MAN1A1: variants seen among roughly 807,000 people sequenced by gnomAD.
MAN1A1 encodes the protein mannosyl-oligosaccharide 1,2-alpha-mannosidase IA.
A neutral mutation model predicts 70.8 loss-of-function variants in MAN1A1; 29 were observed. That is an observed-to-expected ratio of 0.41 (90% CI 0.31 to 0.56). The LOEUF (loss-of-function observed/expected upper bound fraction) is 0.56. Ranked by LOEUF, MAN1A1 falls within the 20% of genes least tolerant of loss-of-function variation. The pLI, the probability that MAN1A1 is intolerant of heterozygous loss-of-function variation, is 0.29. For missense variants in MAN1A1, 747 were observed against 841.3 expected, an observed-to-expected ratio of 0.89 and a Z score of 1.39; for synonymous variants, 349 against 330.1, an observed-to-expected ratio of 1.06 and a Z score of -0.62.
intron 6 of MAN1A1, among the ~76,000 whole-genome samples, chr6:119,228,162 T>C (rs1232661908): frequency 6.6e-6 from 1 of 152,242 alleles, no homozygotes; most frequent in Non-Finnish European, 1.5e-5. Context: ...GAGACCCCTG[T>C]AATACAGTTT....
At chr6:119,280,028 T>C (rs1776187757) in intron 5 of MAN1A1, among the ~76,000 whole-genome samples, 1 of 152,228 alleles carries the variant, frequency 6.6e-6, no homozygotes, top group Non-Finnish European at 1.5e-5. Context: ...GATGTCACAT[T>C]CTACTAGTTT....
chr6:119,199,656 C>T (rs892333362), intron 8 of MAN1A1, among the ~76,000 whole-genome samples: 3 of 151,232 alleles, frequency 2.0e-5, no homozygotes, highest in African/African-American at 7.3e-5. Flanking sequence ...CCTGTAATCC[C>T]AACACTTTGG....
At chr6:119,320,349 G>A (rs1772973180) in intron 2 of MAN1A1, among the ~76,000 whole-genome samples, 1 of 152,150 alleles carries the variant, frequency 6.6e-6, no homozygotes, top group Admixed American at 6.5e-5. Context: ...CAATCACTAA[G>A]GCATTTAGCA....
intron 9 of MAN1A1, among the ~76,000 whole-genome samples, chr6:119,191,499 T>C (rs962024461): frequency 6.6e-6 from 1 of 152,178 alleles, no homozygotes; most frequent in South Asian, 2.1e-4. Flanking sequence ...GGATAGTCTT[T>C]AGTAGATCTG....
At chr6:119,263,603 C>T (rs537205199) in intron 5 of MAN1A1, among the ~76,000 whole-genome samples, 90 of 152,258 alleles carry the variant, frequency 5.9e-4, no homozygotes, top group African/African-American at 2.1e-3. Context: ...ACTTCCATGA[C>T]ACGCCATGTA....
At position 119,285,654 on chromosome 6, in the gene MAN1A1, C is replaced by G. The variant is rs181150320; in HGVS notation, c.897+5029G>C. ...GGCCTTTTGTTGATATCTCTACTTT[C>G]TGGATTTAAATCTACCTAATTAGAG... is the stretch of plus-strand genomic sequence containing the variant. On this transcript the variant is annotated intron_variant, in intron 5 of 12. Coordinates refer to ENST00000368468, the MANE Select transcript of MAN1A1 (RefSeq NM_005907.4). Among the ~76,000 whole-genome samples the G allele has an allele frequency of 2.3e-4, 32 of 139,834 alleles. No individual in the cohort carries two copies. In the East Asian group the frequency reaches 6.4e-3, roughly 28 times the overall value. 91.7% of individuals were successfully genotyped at this position (139,834 alleles called of 152,430 possible).
chr6:119,214,063 C>T (rs184910343), intron 6 of MAN1A1, among the ~76,000 whole-genome samples: 28 of 152,226 alleles, frequency 1.8e-4, no homozygotes, highest in African/African-American at 6.5e-4. Context: ...CTCTTGGGTT[C>T]AAGCAATTCT....
chr6:119,298,998 A>G (rs1252581277), intron 4 of MAN1A1, among the ~76,000 whole-genome samples: 2 of 152,018 alleles, frequency 1.3e-5, no homozygotes, highest in Non-Finnish European at 2.9e-5. Flanking sequence ...GAATGATACT[A>G]CATGTTATTT....
chr6:119,209,090 C>CCAAAAAAA (rs1554204284), intron 6 of MAN1A1, among the ~76,000 whole-genome samples: 1 of 89,080 alleles, frequency 1.1e-5, no homozygotes, highest in African/African-American at 4.4e-5. Flanking sequence ...GACCCCGTCT[C>CCAAAAAAA]AAAAAAAAAA....
Position 119,188,566 on chromosome 6 carries a change from CCA to C in MAN1A1, c.1556_1557del (p.Leu519ArgfsTer8). 3 of 1,612,830 alleles carry C rather than the reference CCA, an allele frequency of 1.9e-6. No homozygotes were observed. Among genetic ancestry groups the C allele is most frequent in the Non-Finnish European group, 2.5e-6 (3 of 1,179,566 alleles). ...HESYNRTFMKLGPEAFRFDGG... is the reference protein window; with the variant it reads ...HESYNRTFMKXGPEAFRFDGG... ...CCATCAAATCTGAAAGCTTCTGGTC[CCA>C]GTTTCATAACTAAAGGACATGGAAT... On this transcript the variant is annotated frameshift_variant, in exon 11 of 13. Coordinates refer to ENST00000368468, the MANE Select transcript of MAN1A1 (RefSeq NM_005907.4). LOFTEE classifies it high-confidence loss of function.
At chr6:119,316,629 C>G (rs1772862438) in intron 2 of MAN1A1, among the ~76,000 whole-genome samples, 1 of 152,038 alleles carries the variant, frequency 6.6e-6, no homozygotes, top group South Asian at 2.1e-4. Flanking sequence ...AACATTCTAA[C>G]TCATACATAT....
At chr6:119,271,337 A>C (rs1582754116) in intron 5 of MAN1A1, among the ~76,000 whole-genome samples, 1 of 152,206 alleles carries the variant, frequency 6.6e-6, no homozygotes, top group African/African-American at 2.4e-5. Context: ...TTAAAAAAAA[A>C]CAATGTGATA....
intron 2 of MAN1A1, among the ~76,000 whole-genome samples, chr6:119,308,388 C>T (rs1052478394): frequency 6.6e-6 from 1 of 151,948 alleles, no homozygotes; most frequent in African/African-American, 2.4e-5. Flanking sequence ...GGATTTTTTT[C>T]TTATACATTA....
At chr6:119,249,856 C>T (rs1325698357) in intron 5 of MAN1A1, among the ~76,000 whole-genome samples, 1 of 151,880 alleles carries the variant, frequency 6.6e-6, no homozygotes, top group African/African-American at 2.4e-5. Context: ...TACCACAGAT[C>T]TTTTGGAATC....
At chr6:119,326,755 G>C (rs1049901865) in intron 2 of MAN1A1, among the ~76,000 whole-genome samples, 3 of 152,116 alleles carry the variant, frequency 2.0e-5, no homozygotes, top group African/African-American at 7.2e-5. Context: ...GCACAGCATG[G>C]GGGAAACTGC....
chr6:119,290,533 T>C (rs1776507231), intron 5 of MAN1A1, 150 bp downstream of exon 5: 2 of 581,180 alleles, frequency 3.4e-6, no homozygotes, highest in African/African-American at 1.9e-5. Context: ...TTAGTACATA[T>C]TGTAAGAAAC....
intron 2 of MAN1A1, among the ~76,000 whole-genome samples, chr6:119,308,651 T>C (rs1772598796): frequency 6.6e-6 from 1 of 152,098 alleles, no homozygotes; most frequent in African/African-American, 2.4e-5. Context: ...TAAAACTAAT[T>C]AAATTCACAT....
chr6:119,195,515 CCTTT>C, intron 8 of MAN1A1, among the ~76,000 whole-genome samples: 1 of 152,280 alleles, frequency 6.6e-6, no homozygotes, highest in East Asian at 1.9e-4. Flanking sequence ...CCACTAGGTT[CCTTT>C]GTCACACACT....
At chr6:119,183,588 G>GT (rs961078377) in intron 11 of MAN1A1, among the ~76,000 whole-genome samples, 2 of 152,068 alleles carry the variant, frequency 1.3e-5, no homozygotes, top group African/African-American at 2.4e-5. Context: ...TTCCCTTGAG[G>GT]TTTTTTGGTA....
Sources: allele counts gnomAD v4.1 joint callset (sites outside exome capture counted in the v4.1 genomes callset), GRCh38; gene constraint gnomAD v4.1.1; transcripts MANE v1.5; gene names NCBI Gene and HGNC (gene_info 2026-07-23, HGNC 2026-07-21).